ANKRD54: variants seen among roughly 807,000 people sequenced by gnomAD.
ANKRD54 encodes the protein ankyrin repeat domain-containing protein 54.
ANKRD54 carries 26 observed loss-of-function variants against 36.2 expected under a neutral mutation model. The ratio of observed to expected loss-of-function variants is 0.72; its 90% confidence interval spans 0.53 to 1.00. ANKRD54 has a LOEUF of 1.00. ANKRD54 is among the 50% of genes least tolerant of loss of function. The pLI is 0.00. For missense variants in ANKRD54, 384 were observed against 424.3 expected (o/e 0.91, Z 0.83); for synonymous variants, 209 against 188.4 (o/e 1.11, Z -0.89).
upstream of ANKRD54, among the ~76,000 whole-genome samples, chr22:37,847,249 G>A (rs191074626): frequency 3.8e-3 from 567 of 151,114 alleles, 1 homozygote; most frequent in African/African-American, 0.013. Context: ...CACAACCTCC[G>A]CCTCCTAGGT....
intron 3 of ANKRD54, among the ~76,000 whole-genome samples, chr22:37,837,221 T>C (rs1923664449): frequency 6.6e-6 from 1 of 151,974 alleles, no homozygotes; most frequent in South Asian, 2.1e-4. Context: ...TGTGTGTCAG[T>C]ACATCCCTTT....
In ANKRD54 at chr22:37,831,614, G is replaced by A. The variant is rs952737748; in HGVS notation, c.*329C>T. 5.7e-5 allele frequency: 19 copies of A among 333,860 alleles called. No homozygotes were observed. Among genetic ancestry groups the A allele is most frequent in the African/African-American group, 2.7e-4 (13 of 48,358 alleles). The allele number at this position is 333,860 out of a possible 1,614,324, so 20.7% of individuals were successfully genotyped here. On this transcript the variant is annotated 3_prime_UTR_variant, in exon 8 of 8. Transcript: ENST00000215941. ...GAGAAGGGTCTGAGGCCTGGAGCGC[G>A]CCATGAAGGCCATGGGGCAAGTGAG...
intron 3 of ANKRD54, among the ~76,000 whole-genome samples, chr22:37,837,816 AT>A (rs1395056178): frequency 6.6e-6 from 1 of 151,830 alleles, no homozygotes; most frequent in Non-Finnish European, 1.5e-5. Context: ...GTGAAACCCC[AT>A]CTCTACTAAA....
chr22:37,839,638 C>T (rs911290973), intron 2 of ANKRD54, among the ~76,000 whole-genome samples: 3 of 152,282 alleles, frequency 2.0e-5, no homozygotes, highest in Middle Eastern at 3.4e-3. Flanking sequence ...CTGCCCAGCT[C>T]GGCCTCCCAA....
chr22:37,838,909 C>T (rs1472721912), intron 2 of ANKRD54, among the ~76,000 whole-genome samples: 1 of 152,118 alleles, frequency 6.6e-6, no homozygotes, highest in Non-Finnish European at 1.5e-5. Flanking sequence ...CAGTGGTCCC[C>T]CTCCCGTGAC....
chr22:37,841,557 C>CACACACAA (rs549337524), intron 1 of ANKRD54, among the ~76,000 whole-genome samples: 3 of 148,486 alleles, frequency 2.0e-5, no homozygotes, highest in African/African-American at 5.0e-5. Flanking sequence ...CACACACACA[C>CACACACAA]AAAAAACATA....
chr22:37,834,172 T>G, intron 3 of ANKRD54: 1 of 178,616 alleles, frequency 5.6e-6, no homozygotes. Flanking sequence ...ACCTCAGGGG[T>G]GTGCTGTATT....
Position 37,831,980 on chromosome 22 carries a change from G to A in ANKRD54, c.866C>T (p.Ser289Phe). 1.2e-6 allele frequency: 2 copies of A among 1,613,736 alleles called. No individual in the cohort carries two copies. Among genetic ancestry groups the A allele is most frequent in the Non-Finnish European group, 1.7e-6 (2 of 1,179,884 alleles). Residue 289 changes from serine to phenylalanine, a missense_variant, in exon 8 of 8, where the codon TCC (serine) becomes TTC (phenylalanine). Ser to Phe is a radical substitution (Grantham distance 155). Around this residue, in one of 3 missense-constraint regions of ANKRD54, gnomAD observed 179 missense variants for 224.0 expected, o/e 0.80. Transcript: ENST00000215941. ...CATGCTCTGCATCTGCAGACTGAGG[G>A]AGGTGAAGCTGGCCAGGAGGTCAGT... ...EVTDLLASFT[S>F]LSLQMQSMEK...
In ANKRD54 at chr22:37,832,726, C is replaced by T; in HGVS notation, c.739G>A (p.Glu247Lys). The T allele has an allele frequency of 6.2e-7, 1 of 1,614,182 alleles. No homozygotes were observed. The highest frequency in any genetic ancestry group is 8.5e-7 in the Non-Finnish European group (1 of 1,180,020). Residue 247 changes from glutamate to lysine, a missense_variant, in exon 7 of 8, where the codon GAG (glutamate) becomes AAG (lysine). Physicochemically the swap from Glu to Lys is moderately conservative, Grantham distance 56. This residue lies in a region of ANKRD54 where 179 missense variants were observed against 224.0 expected (regional missense o/e 0.80). Transcript: ENST00000215941. The stretch of plus-strand genomic sequence containing the variant: ...TGTTGCCCTAGGCGCTCCAGATACT[C>T]CCTCAGCATATGGATGATCTGGAAC... The part of the protein sequence containing the change: ...EVKQIIHMLR[E>K]YLERLGQHEQ...
rs375913161 is a variant in ANKRD54, at chr22:37,838,574, G to A, written c.401C>T (p.Ala134Val). The stretch of plus-strand genomic sequence containing the variant: ...CTTGTCATCAGCTGCACAGGGATCC[G>A]CGCCATCTTCCAGCAGCTGCTGCAC... ...ETVQQLLEDG[A>V]DPCAADDKGR... The change falls in exon 3 of 8, where the codon GCG (alanine) becomes GTG (valine). Residue 134 changes from alanine to valine, a missense_variant. Physicochemically the swap from Ala to Val is moderately conservative, Grantham distance 64. Around this residue, in one of 3 missense-constraint regions of ANKRD54, gnomAD observed 179 missense variants for 224.0 expected, o/e 0.80. Transcript: ENST00000215941. 2.7e-5 allele frequency: 44 copies of A among 1,611,110 alleles called. No individual in the cohort carries two copies. In the Admixed American group the frequency reaches 6.4e-4, roughly 23 times the overall value.
intron 3 of ANKRD54, among the ~76,000 whole-genome samples, chr22:37,836,035 C>T (rs1020668134): frequency 1.1e-4 from 17 of 151,714 alleles, no homozygotes; most frequent in African/African-American, 3.4e-4. Flanking sequence ...GGGGTTTCAC[C>T]GTGTTAGCCA....
intron 1 of ANKRD54, 57 bp downstream of exon 1, chr22:37,843,854 C>T: frequency 5.1e-6 from 6 of 1,166,040 alleles, no homozygotes; most frequent in Non-Finnish European, 6.4e-6. Flanking sequence ...CCTCTGAGGC[C>T]CCGCCCCTCG....
At chr22:37,841,007 G>C (rs1221194788) in intron 1 of ANKRD54, among the ~76,000 whole-genome samples, 1 of 151,246 alleles carries the variant, frequency 6.6e-6, no homozygotes, top group Non-Finnish European at 1.5e-5. Flanking sequence ...GGTTGAAGCC[G>C]GAAGGCGGAG....
At chr22:37,844,867 C>CT (rs1481496970), upstream of ANKRD54, among the ~76,000 whole-genome samples, 7 of 151,190 alleles carry the variant, frequency 4.6e-5, no homozygotes, top group African/African-American at 7.3e-5. Flanking sequence ...CGCGCCCGGC[C>CT]TTTTTTTTTC....
rs1008728600 is a variant in ANKRD54 at position 37,831,025 on chromosome 22, CCCT to C, written c.*915_*917del. On this transcript the variant is annotated 3_prime_UTR_variant, in exon 8 of 8. Coordinates refer to ENST00000215941, the MANE Select transcript of ANKRD54 (RefSeq NM_138797.4). ...GGCCTGGACTCTGTGGCTTGAGCTG[CCCT>C]CCTCAACTCCAGTTTCCTGCTCCAT... 1.3e-5 allele frequency: 2 copies of C among 152,304 alleles called. No individual in the cohort carries two copies. The highest frequency in any genetic ancestry group is 1.5e-5 in the Non-Finnish European group (1 of 68,194). 9.4% of individuals were successfully genotyped at this position (152,304 alleles called of 1,614,324 possible).
chr22:37,839,423 T>C (rs2145976845), intron 2 of ANKRD54, among the ~76,000 whole-genome samples: 1 of 152,366 alleles, frequency 6.6e-6, no homozygotes, highest in South Asian at 2.1e-4. Context: ...AATTTCGCTC[T>C]GTCGCGCAGG....
intron 1 of ANKRD54, among the ~76,000 whole-genome samples, chr22:37,842,239 G>T (rs1924365792): frequency 6.6e-6 from 1 of 152,196 alleles, no homozygotes; most frequent in Non-Finnish European, 1.5e-5. Flanking sequence ...GGGTGGTAAA[G>T]CGAGACTCTC....
At position 37,833,745 on chromosome 22, in the gene ANKRD54, G is replaced by A. The variant is rs200679154; in HGVS notation, c.486C>T (p.Leu162=). ...GGTTAGGATCAGCACCATGGTCCAG[G>A]AGCAGCTGCACTGGAAACAGGCAAA... ...CNGNDQIVQL[L]LDHGADPNQR... is the part of the protein sequence containing the mutation. The change falls in exon 4 of 8, where the codon CTC becomes CTT. Residue 162 remains leucine, a synonymous_variant. Coordinates refer to ENST00000215941, the MANE Select transcript of ANKRD54 (RefSeq NM_138797.4). 4 of 1,614,046 alleles carry A rather than the reference G, an allele frequency of 2.5e-6. No individual in the cohort carries two copies. In the East Asian group the frequency reaches 8.9e-5, roughly 36 times the overall value.
At chr22:37,833,463 A>G (rs1337778046) in intron 4 of ANKRD54, among the ~76,000 whole-genome samples, 1 of 152,156 alleles carries the variant, frequency 6.6e-6, no homozygotes, top group Non-Finnish European at 1.5e-5. Context: ...GGGCTAGCCT[A>G]GGTTGCTAAA....
Sources: allele counts gnomAD v4.1 joint callset (sites outside exome capture counted in the v4.1 genomes callset), GRCh38; gene constraint gnomAD v4.1.1; regional missense constraint gnomAD v4.1.1; transcripts MANE v1.5; gene names NCBI Gene and HGNC (gene_info 2026-07-23, HGNC 2026-07-21).